The following ATP13A2 variants were observed in gnomAD, a reference collection of about 807,000 sequenced individuals.
ATP13A2 encodes the protein ATPase cation transporting 13A2.
Under a neutral mutation model 138.3 loss-of-function variants are expected in ATP13A2, and 83 were observed. That is an observed-to-expected ratio of 0.60 (90% CI 0.50 to 0.72). The LOEUF (loss-of-function observed/expected upper bound fraction) is 0.72. Ranked by LOEUF, ATP13A2 falls within the 30% of genes least tolerant of loss-of-function variation. The probability of loss-of-function intolerance (pLI) is 0.00; values close to 1 mark genes in which losing one functional copy is unlikely to be tolerated. For synonymous variants in ATP13A2, 663 were observed against 699.0 expected, an observed-to-expected ratio of 0.95 and a Z score of 0.81; for missense variants, 1,402 against 1,606.4, an observed-to-expected ratio of 0.87 and a Z score of 2.17.
intron 11 of ATP13A2, among the ~76,000 whole-genome samples, chr1:16,998,798 C>T (rs562999536): frequency 6.6e-6 from 1 of 152,250 alleles, no homozygotes; most frequent in East Asian, 1.9e-4. Flanking sequence ...GCCATCCGTG[C>T]TTGTGGAAGG....
Position 17,004,480 on chromosome 1 carries a change from G to C in ATP13A2, c.478-69C>G. The C allele has an allele frequency of 6.3e-7, 1 of 1,580,846 alleles. No homozygotes were observed. The highest frequency in any genetic ancestry group is 8.6e-7 in the Non-Finnish European group (1 of 1,156,096). Reference sequence around the variant, plus strand: ...CCCCAGAAGCAGTGTGCTTATGCTGGGAGCCGAGGGATGGGGGTAGGGGGC... The same window carrying C: ...CCCCAGAAGCAGTGTGCTTATGCTGCGAGCCGAGGGATGGGGGTAGGGGGC... On this transcript the variant is annotated intron_variant, in intron 5 of 28. Coordinates refer to ENST00000326735, the MANE Select transcript of ATP13A2 (RefSeq NM_022089.4). This position sits in a 1 kb window ranked among gnomAD's most constrained non-coding sequence, Gnocchi z 4.1.
Position 16,997,079 on chromosome 1 carries a change from A to C in ATP13A2, c.1136T>G (p.Leu379Arg). The stretch of plus-strand genomic sequence containing the variant: ...CACATAGGCCCGGGCCTGCAAGATG[A>C]GGGTCCCGCAGAAGAGTGTGTGCCG... ...HRRHTLFCGT[L>R]ILQARAYVGP... The change falls in exon 12 of 29, where the codon CTC becomes CGC. Residue 379 changes from leucine to arginine, a missense_variant. By Grantham distance (102) the Leu-to-Arg change is moderately radical (BLOSUM62 -2). Coordinates refer to ENST00000326735, the MANE Select transcript of ATP13A2 (RefSeq NM_022089.4). 1 of 1,613,476 alleles carries C rather than the reference A, an allele frequency of 6.2e-7. No individual in the cohort carries two copies. The highest frequency in any genetic ancestry group is 1.3e-5 in the African/African-American group (1 of 75,026).
intron 15 of ATP13A2, among the ~76,000 whole-genome samples, chr1:16,994,728 T>G (rs916270302): frequency 6.6e-6 from 1 of 151,808 alleles, no homozygotes; most frequent in African/African-American, 2.4e-5. Flanking sequence ...AGTGGTGTGA[T>G]CTCAGCTCAC....
At chr1:16,988,576 T>C (rs2076816447) in intron 23 of ATP13A2, 102 bp from the exon 24 acceptor site, 8 of 1,438,844 alleles carry the variant, frequency 5.6e-6, no homozygotes, top group Non-Finnish European at 7.8e-6. Flanking sequence ...TGCCACATGG[T>C]GCCTGGTGTA....
At chr1:16,998,558 A>G (rs1477914067) in intron 11 of ATP13A2, among the ~76,000 whole-genome samples, 1 of 152,088 alleles carries the variant, frequency 6.6e-6, no homozygotes, top group East Asian at 1.9e-4. Flanking sequence ...CTGGAAAAAA[A>G]CCACTATCCT....
chr1:17,011,675 C>G lies in ATP13A2; in HGVS notation c.10+54G>C, dbSNP rs1434447445. 35 of 1,478,272 alleles carry G rather than the reference C, an allele frequency of 2.4e-5. No individual in the cohort carries two copies. Among genetic ancestry groups the G allele is most frequent in the Non-Finnish European group, 2.9e-5 (32 of 1,121,138 alleles). 91.6% of individuals were successfully genotyped at this position (1,478,272 alleles called of 1,614,324 possible). On this transcript the variant is annotated intron_variant, in intron 1 of 28. Transcript: ENST00000326735. This position sits in a 1 kb window ranked among gnomAD's most constrained non-coding sequence, Gnocchi z 7.3. ...CTCTCCCTCCAAGGGGTGACGACAA[C>G]TGGCGGGCCGGGGACCGCGCCGGGC...
At chr1:17,005,647 C>T (rs373415596) in intron 2 of ATP13A2, 37 bp downstream of exon 2, 1 of 1,613,104 alleles carries the variant, frequency 6.2e-7, no homozygotes, top group African/African-American at 1.3e-5. Context: ...GGCATTCACC[C>T]CCTGCAGCTT....
At chr1:16,994,542 C>A in intron 15 of ATP13A2, among the ~76,000 whole-genome samples, 1 of 151,992 alleles carries the variant, frequency 6.6e-6, no homozygotes. Context: ...CTCAATATAT[C>A]TGTTGAATGA....
At chr1:17,000,954 CAAAT>C (rs1007386156) in intron 8 of ATP13A2, 2 of 194,282 alleles carry the variant, frequency 1.0e-5, no homozygotes, top group African/African-American at 4.7e-5. Context: ...AAAAAATAAA[CAAAT>C]AAATAAATAG....
intron 15 of ATP13A2, among the ~76,000 whole-genome samples, chr1:16,994,892 G>A (rs1362950480): frequency 6.6e-6 from 1 of 151,816 alleles, no homozygotes; most frequent in Non-Finnish European, 1.5e-5. Context: ...TTGAACTCCT[G>A]ACCTCATGAT....
intron 12 of ATP13A2, 199 bp downstream of exon 12, chr1:16,996,821 G>T: frequency 1.4e-6 from 1 of 736,566 alleles, no homozygotes; most frequent in African/African-American, 1.7e-5. Context: ...GCAATGCTTG[G>T]CCTTAGTCTG....
chr1:16,990,599 C>G (rs1014436705), intron 20 of ATP13A2, among the ~76,000 whole-genome samples: 1 of 151,978 alleles, frequency 6.6e-6, no homozygotes, highest in Admixed American at 6.5e-5. Flanking sequence ...CTCACTGCAA[C>G]CTCCTTCCTC....
rs766448101 is a variant in ATP13A2 at position 16,995,471 on chromosome 1, AT to A, written c.1542+504del. 0.062 allele frequency: 13,175 copies of A among 212,062 alleles called. No homozygotes were observed. The highest frequency in any genetic ancestry group is 0.13 in the South Asian group (2,050 of 16,362). The allele number at this position is 212,062 out of a possible 1,614,324, so 13.1% of individuals were successfully genotyped here. On this transcript the variant is annotated intron_variant, in intron 15 of 28. Transcript: ENST00000326735. The surrounding 1 kb of genome is among the most constrained non-coding windows in gnomAD (Gnocchi z 4.1). ...CTAGGGCCCCAGGTCCCCACCAGTA[AT>A]TTTTTTTTTTTTTTGAGTTTTGCTC...
Position 17,004,447 on chromosome 1 carries a change from G to T in ATP13A2, c.478-36C>A. 6.2e-7 allele frequency: 1 copy of T among 1,609,494 alleles called. No individual in the cohort carries two copies. The stretch of plus-strand genomic sequence containing the variant: ...GAGAGGAGAGGATGGGTTGGAAGCT[G>T]GCCCCGGCCCCAGAAGCAGTGTGCT... On this transcript the variant is annotated intron_variant, in intron 5 of 28. Transcript: ENST00000326735. This position sits in a 1 kb window ranked among gnomAD's most constrained non-coding sequence, Gnocchi z 4.1.
rs2077117485 is a variant in ATP13A2 at position 16,996,233 on chromosome 1, CA to C, written c.1353+20del. On this transcript the variant is annotated intron_variant, in intron 14 of 28. Coordinates refer to ENST00000326735, the MANE Select transcript of ATP13A2 (RefSeq NM_022089.4). Reference sequence around the variant, plus strand: ...CCTGGGCCCTGCTGGCAGCACCCCCCACCCCACCCCCAAGGCTTACCCGGTT... The same window carrying C: ...CCTGGGCCCTGCTGGCAGCACCCCCCCCCCACCCCCAAGGCTTACCCGGTT... 6.2e-7 allele frequency: 1 copy of C among 1,614,110 alleles called. No homozygotes were observed. The highest frequency in any genetic ancestry group is 8.5e-7 in the Non-Finnish European group (1 of 1,180,002).
chr1:16,987,307 C>G (rs1445023194), intron 25 of ATP13A2, 38 bp from the exon 26 acceptor site: 1 of 1,595,680 alleles, frequency 6.3e-7, no homozygotes, highest in Non-Finnish European at 8.6e-7. Flanking sequence ...GAAACTAAGA[C>G]CTGGCCCTGG....
chr1:17,000,272 C>A lies in ATP13A2; in HGVS notation c.881G>T (p.Arg294Leu). Reference sequence around the variant, plus strand: ...TCCCCCTGGCCGGCACACGCACACCCGCATGGACAACTTGACCATGTCCCT... The same window carrying A: ...TCCCCCTGGCCGGCACACGCACACCAGCATGGACAACTTGACCATGTCCCT... ...TLRDMVKLSM[R>L]VCVCRPGGEE... Residue 294 changes from arginine (R) to leucine (L), a missense_variant, in exon 10 of 29, where the codon CGG (arginine) becomes CTG (leucine). Arg to Leu is a moderately radical substitution (Grantham distance 102). Transcript: ENST00000326735. 1.3e-6 allele frequency: 2 copies of A among 1,577,748 alleles called. No homozygotes were observed. Among genetic ancestry groups the A allele is most frequent in the East Asian group, 4.6e-5 (2 of 43,022 alleles).
chr1:16,989,602 A>G, intron 23 of ATP13A2, 89 bp downstream of exon 23: 2 of 1,339,352 alleles, frequency 1.5e-6, no homozygotes, highest in South Asian at 2.4e-5. Context: ...GAGGAGGGAG[A>G]CAGGGCCCTG....
intron 20 of ATP13A2, among the ~76,000 whole-genome samples, chr1:16,991,246 C>T (rs950349123): frequency 1.3e-5 from 2 of 152,112 alleles, no homozygotes; most frequent in East Asian, 1.9e-4. Context: ...ACACTGTGCC[C>T]GGCCATTTTC....
Sources: gnomAD v4.1 joint callset for allele counts (sites outside exome capture counted in the v4.1 genomes callset) on GRCh38, gnomAD v4.1.1 for gene constraint, Gnocchi (gnomAD v3.1) non-coding constraint, MANE v1.5 for transcripts, NCBI Gene and HGNC (gene_info 2026-07-23, HGNC 2026-07-21) for gene names.